Variants in PAPPA2 observed in about 807,000 individuals in gnomAD.
The protein encoded by PAPPA2 is pappalysin 2.
Under a neutral mutation model 176.4 loss-of-function variants are expected in PAPPA2, and 86 were observed. That is an observed-to-expected ratio of 0.49 (90% confidence interval 0.41 to 0.58). PAPPA2 has a LOEUF of 0.58. Ranked by LOEUF, PAPPA2 falls within the 20% of genes least tolerant of loss-of-function variation. The pLI, the probability that PAPPA2 is intolerant of heterozygous loss-of-function variation, is 0.00. For synonymous variants in PAPPA2, 809 were observed against 852.2 expected (o/e 0.95, Z 0.88); for missense variants, 2,073 against 2,256.9 (o/e 0.92, Z 1.65).
chr1:176,648,275 A>G (rs982020723), intron 3 of PAPPA2, among the ~76,000 whole-genome samples: 1 of 151,514 alleles, frequency 6.6e-6, no homozygotes, highest in African/African-American at 2.4e-5. Context: ...TAACTTTTAT[A>G]TGTGGATTTT....
rs1207699426 is a variant in PAPPA2 at position 176,572,931 on chromosome 1, CTG to C, written c.919+15692_919+15693del. On this transcript the variant is annotated intron_variant, in intron 2 of 22. Coordinates refer to ENST00000367662, the MANE Select transcript of PAPPA2 (RefSeq NM_020318.3). ...CTAAGGGTAGTATTAATTCTATAAA[CTG>C]TACCTGGTAACAGGAACCCCAAAGA... 2.0e-5 allele frequency among the ~76,000 whole-genome samples: 3 copies of C among 152,224 alleles called. No individual in the cohort carries two copies. In the East Asian group the frequency reaches 5.8e-4, roughly 29 times the overall value.
chr1:176,716,753 A>G (rs1286747010), intron 12 of PAPPA2, among the ~76,000 whole-genome samples: 1 of 151,730 alleles, frequency 6.6e-6, no homozygotes, highest in Non-Finnish European at 1.5e-5. Flanking sequence ...CTGGGACTAC[A>G]GGCACCCGCC....
At chr1:176,823,508 G>A (rs1000990005) in intron 21 of PAPPA2, among the ~76,000 whole-genome samples, 1 of 152,136 alleles carries the variant, frequency 6.6e-6, no homozygotes, top group Non-Finnish European at 1.5e-5. Context: ...ATCAAGGTAG[G>A]CTGTGGTCAT....
intron 14 of PAPPA2, among the ~76,000 whole-genome samples, chr1:176,762,097 C>T (rs1358131626): frequency 6.6e-6 from 1 of 152,070 alleles, no homozygotes; most frequent in Non-Finnish European, 1.5e-5. Flanking sequence ...ACAATTGGTA[C>T]CAGATGCCAT....
intron 1 of PAPPA2, among the ~76,000 whole-genome samples, chr1:176,505,210 T>C (rs1276261451): frequency 6.6e-6 from 1 of 152,096 alleles, no homozygotes; most frequent in Non-Finnish European, 1.5e-5. Context: ...GCATTTTCAT[T>C]CTATTTAATC....
At chr1:176,656,526 G>T (rs1658043572) in intron 3 of PAPPA2, among the ~76,000 whole-genome samples, 1 of 151,774 alleles carries the variant, frequency 6.6e-6, no homozygotes, top group Non-Finnish European at 1.5e-5. Context: ...AATTCCACAG[G>T]CATTACACCA....
At chr1:176,520,408 T>A (rs1649152424) in intron 1 of PAPPA2, among the ~76,000 whole-genome samples, 1 of 152,212 alleles carries the variant, frequency 6.6e-6, no homozygotes. Context: ...ATCCAGGTTC[T>A]GACAGTTAAG....
intron 2 of PAPPA2, among the ~76,000 whole-genome samples, chr1:176,566,315 T>C (rs1468888108): frequency 6.6e-6 from 1 of 151,574 alleles, no homozygotes; most frequent in Non-Finnish European, 1.5e-5. Context: ...TGTAGAGGGG[T>C]TTTCTGTAAG....
intron 20 of PAPPA2, among the ~76,000 whole-genome samples, chr1:176,797,706 G>T (rs375146412): frequency 4.6e-5 from 7 of 152,064 alleles, no homozygotes; most frequent in East Asian, 1.9e-4. Context: ...CTCACCAGGA[G>T]CCAGCCCTTC....
At chr1:176,771,654 A>C (rs775674516) in intron 17 of PAPPA2, among the ~76,000 whole-genome samples, 1 of 152,232 alleles carries the variant, frequency 6.6e-6, no homozygotes, top group African/African-American at 2.4e-5. Context: ...TCAATCAAAC[A>C]TAAAATTCAG....
intron 1 of PAPPA2, among the ~76,000 whole-genome samples, chr1:176,547,862 C>T (rs1650725806): frequency 6.6e-6 from 1 of 152,184 alleles, no homozygotes; most frequent in South Asian, 2.1e-4. Context: ...TGGTATGTCC[C>T]ATAGAAGCTA....
At chr1:176,600,244 T>C (rs1654231677) in intron 3 of PAPPA2, among the ~76,000 whole-genome samples, 4 of 152,156 alleles carry the variant, frequency 2.6e-5, no homozygotes, top group Admixed American at 2.6e-4. Flanking sequence ...GGCTTTTCTT[T>C]GTCATGGTTT....
At chr1:176,528,605 A>G (rs941593609) in intron 1 of PAPPA2, among the ~76,000 whole-genome samples, 6 of 152,232 alleles carry the variant, frequency 3.9e-5, no homozygotes, top group Non-Finnish European at 8.8e-5. Flanking sequence ...TAGATATGCA[A>G]TCATTCACAA....
chr1:176,474,699 C>T (rs1236791353), intron 1 of PAPPA2, among the ~76,000 whole-genome samples: 1 of 152,184 alleles, frequency 6.6e-6, no homozygotes, highest in Non-Finnish European at 1.5e-5. Flanking sequence ...TACATAGCTT[C>T]ATATAAAAGC....
At chr1:176,501,769 G>A (rs1208970058) in intron 1 of PAPPA2, among the ~76,000 whole-genome samples, 1 of 152,146 alleles carries the variant, frequency 6.6e-6, no homozygotes, top group Non-Finnish European at 1.5e-5. Flanking sequence ...ACAACAACAT[G>A]TCTCAGAGGA....
chr1:176,650,081 T>C (rs903775971), intron 3 of PAPPA2, among the ~76,000 whole-genome samples: 3 of 151,626 alleles, frequency 2.0e-5, no homozygotes, highest in Non-Finnish European at 4.4e-5. Flanking sequence ...GCTCCAGTGT[T>C]TGGTGCATAG....
intron 3 of PAPPA2, among the ~76,000 whole-genome samples, chr1:176,604,258 T>C (rs564641597): frequency 2.6e-5 from 4 of 152,208 alleles, no homozygotes; most frequent in Non-Finnish European, 4.4e-5. Flanking sequence ...ATTTTTCTTT[T>C]TAGAATTTAT....
At chr1:176,744,216 C>T (rs1044476606) in intron 14 of PAPPA2, among the ~76,000 whole-genome samples, 2 of 152,148 alleles carry the variant, frequency 1.3e-5, no homozygotes, top group African/African-American at 4.8e-5. Flanking sequence ...CCTTTAAATG[C>T]CTGTGGCTTT....
intron 2 of PAPPA2, among the ~76,000 whole-genome samples, chr1:176,576,624 A>T (rs1348181930): frequency 6.6e-6 from 1 of 152,118 alleles, no homozygotes; most frequent in Non-Finnish European, 1.5e-5. Flanking sequence ...CATCCTCAGG[A>T]AACAGATTGT....
Sources: allele counts gnomAD v4.1 joint callset (sites outside exome capture counted in the v4.1 genomes callset), GRCh38; gene constraint gnomAD v4.1.1; transcripts MANE v1.5; gene names NCBI Gene and HGNC (gene_info 2026-07-23, HGNC 2026-07-21).